The following EIF2B1 variants were observed in gnomAD, a reference collection of about 807,000 sequenced individuals.
EIF2B1 encodes eukaryotic translation initiation factor 2B subunit alpha, also known as translation initiation factor eIF2B subunit alpha.
A neutral mutation model predicts 36.8 loss-of-function variants in EIF2B1; 30 were observed. That is an observed-to-expected ratio of 0.81 (90% CI 0.61 to 1.10). EIF2B1 has a LOEUF of 1.10. EIF2B1 is among the 50% of genes least tolerant of loss of function. The probability of loss-of-function intolerance (pLI) is 0.00; values close to 1 mark genes in which losing one functional copy is unlikely to be tolerated. For synonymous variants in EIF2B1, 139 were observed against 142.2 expected (o/e 0.98, Z 0.16); for missense variants, 271 against 374.8 (o/e 0.72, Z 2.29).
At chr12:123,625,329 C>T (rs1347765219) in intron 6 of EIF2B1, among the ~76,000 whole-genome samples, 3 of 152,010 alleles carry the variant, frequency 2.0e-5, no homozygotes, top group African/African-American at 7.2e-5. Context: ...GATCTCAGCC[C>T]AAACCTCTAC....
chr12:123,628,082 G>A (rs1234521044), intron 4 of EIF2B1, among the ~76,000 whole-genome samples: 2 of 152,104 alleles, frequency 1.3e-5, no homozygotes, highest in Admixed American at 6.5e-5. Flanking sequence ...TTGAGCCAAG[G>A]TCTTGCTCTG....
intron 6 of EIF2B1, among the ~76,000 whole-genome samples, chr12:123,625,266 T>G (rs1955139949): frequency 6.6e-6 from 1 of 152,168 alleles, no homozygotes; most frequent in African/African-American, 2.4e-5. Context: ...ATCTTTCTTT[T>G]TTTTTTTGAG....
rs1260994815 is a variant in EIF2B1, at chr12:123,622,814, A to G, written c.628-53T>C. On this transcript the variant is annotated intron_variant, in intron 7 of 8. Transcript: ENST00000424014. Reference sequence around the variant, plus strand: ...AGCTCTAGAGTGCATCTGAAGTAGAAGCCACAGAAAAGCGGGCCGGGCACA... The same window carrying G: ...AGCTCTAGAGTGCATCTGAAGTAGAGGCCACAGAAAAGCGGGCCGGGCACA... 2.5e-6 allele frequency: 4 copies of G among 1,609,690 alleles called. No individual in the cohort carries two copies. In the East Asian group the frequency reaches 8.9e-5, roughly 36 times the overall value.
intron 7 of EIF2B1, among the ~76,000 whole-genome samples, chr12:123,623,323 T>C (rs1013523726): frequency 2.0e-5 from 3 of 151,620 alleles, no homozygotes; most frequent in Admixed American, 2.0e-4. Flanking sequence ...GCACTGGAGG[T>C]TGCAGTGAGC....
rs369487438 is a variant in EIF2B1 at position 123,633,583 on chromosome 12, G to A, written c.-26C>T. The A allele has an allele frequency of 1.9e-6, 3 of 1,608,038 alleles. No homozygotes were observed. Among genetic ancestry groups the A allele is most frequent in the Non-Finnish European group, 2.5e-6 (3 of 1,179,944 alleles). On this transcript the variant is annotated 5_prime_UTR_variant, in exon 1 of 9. Transcript: ENST00000424014. ...GGCGTCCTCCTGCTGCGGAGCCCCA[G>A]GGGACCCGAGCCGCCCGCGCTGTCT... is the stretch of plus-strand genomic sequence containing the variant.
intron 6 of EIF2B1, among the ~76,000 whole-genome samples, chr12:123,625,674 C>T (rs538210295): frequency 3.3e-5 from 5 of 152,340 alleles, no homozygotes. Flanking sequence ...AATACACTGA[C>T]AATCCCAGGA....
At chr12:123,632,807 G>T (rs544017185) in intron 1 of EIF2B1, among the ~76,000 whole-genome samples, 1 of 151,224 alleles carries the variant, frequency 6.6e-6, no homozygotes, top group African/African-American at 2.4e-5. Flanking sequence ...TTAGCCGGGC[G>T]TAGTGGCGGG....
rs1304949657 is a variant in EIF2B1 at position 123,620,618 on chromosome 12, A to G, written c.*1138T>C. The G allele has an allele frequency of 4.4e-5, 4 of 90,918 alleles. No homozygotes were observed. Among genetic ancestry groups the G allele is most frequent in the African/African-American group, 1.7e-4 (4 of 23,734 alleles). The allele number at this position is 90,918 out of a possible 1,614,324, so 5.6% of individuals were successfully genotyped here. ...TATATATATATATATATATATATAT[A>G]TATATATATAAGCTCTTTTTTCTGA... is the stretch of plus-strand genomic sequence containing the variant. On this transcript the variant is annotated 3_prime_UTR_variant, in exon 9 of 9. Coordinates refer to ENST00000424014, the MANE Select transcript of EIF2B1 (RefSeq NM_001414.4).
Position 123,630,056 on chromosome 12 carries a change from A to C in EIF2B1, c.369+113T>G. 8 of 880,890 alleles carry C rather than the reference A, an allele frequency of 9.1e-6. No homozygotes were observed. Among genetic ancestry groups the C allele is most frequent in the Non-Finnish European group, 1.5e-5 (8 of 522,120 alleles). 54.6% of individuals were successfully genotyped at this position (880,890 alleles called of 1,614,324 possible). On this transcript the variant is annotated intron_variant, in intron 4 of 8. Coordinates refer to ENST00000424014, the MANE Select transcript of EIF2B1 (RefSeq NM_001414.4). This position sits in a 1 kb window ranked among gnomAD's most constrained non-coding sequence, Gnocchi z 4.6. ...ATGAGAAAGCTGCACAGACAGGTTA[A>C]GTTACTTGTTCAAGTCTCCACAGCA...
chr12:123,630,847 G>T lies in EIF2B1; in HGVS notation c.116-314C>A, dbSNP rs1300843575. On this transcript the variant is annotated intron_variant, in intron 2 of 8. Coordinates refer to ENST00000424014, the MANE Select transcript of EIF2B1 (RefSeq NM_001414.4). This position sits in a 1 kb window ranked among gnomAD's most constrained non-coding sequence, Gnocchi z 4.6. ...GCATGGAAAGACATTAAGTAGCAGC[G>T]GCAGATGAGGTCTGCAAGGTGGTAT... Among the ~76,000 whole-genome samples, 1 of 152,108 alleles carries T rather than the reference G, an allele frequency of 6.6e-6. No individual in the cohort carries two copies. Among genetic ancestry groups the T allele is most frequent in the East Asian group, 1.9e-4 (1 of 5,190 alleles).
Position 123,621,722 on chromosome 12 carries a change from G to A in EIF2B1, c.*34C>T, listed in dbSNP as rs773773840. 22 of 1,612,552 alleles carry A rather than the reference G, an allele frequency of 1.4e-5. No homozygotes were observed. The highest frequency in any genetic ancestry group is 1.2e-4 in the South Asian group (11 of 90,988). On this transcript the variant is annotated 3_prime_UTR_variant, in exon 9 of 9. Transcript: ENST00000424014. ...CAGCTACTCACCCTGCCTCAACTAC[G>A]TAAGCTGCACCTTGGCAGGAAAGGG...
At chr12:123,632,076 C>G (rs1040743976) in intron 2 of EIF2B1, among the ~76,000 whole-genome samples, 4 of 151,716 alleles carry the variant, frequency 2.6e-5, no homozygotes, top group African/African-American at 9.7e-5. Context: ...TCGAGACCAG[C>G]CTGGGTAACA....
intron 6 of EIF2B1, 39 bp from the exon 7 acceptor site, chr12:123,624,901 G>A (rs1285815798): frequency 9.0e-6 from 14 of 1,555,646 alleles, no homozygotes; most frequent in Non-Finnish European, 1.2e-5. Flanking sequence ...TATTTTCTTG[G>A]CTCTAACGAG....
At chr12:123,621,967 T>C (rs1052424929) in intron 8 of EIF2B1, 47 bp from the exon 9 acceptor site, 1 of 1,607,492 alleles carries the variant, frequency 6.2e-7, no homozygotes, top group Non-Finnish European at 8.5e-7. Context: ...TTTAGTGCTC[T>C]GACCTGGTAG....
rs779582708 is a variant in EIF2B1, at chr12:123,626,753, G to A, written c.483-260C>T. The A allele has an allele frequency of 3.9e-5, 25 of 646,062 alleles. 1 individual carries two copies. Among genetic ancestry groups the A allele is most frequent in the Admixed American group, 2.2e-4 (9 of 41,652 alleles). The allele number at this position is 646,062 out of a possible 1,614,324, so 40.0% of individuals were successfully genotyped here. A position where few individuals can be genotyped will look rare whatever the true frequency, so the allele number is the denominator to read the frequency against. ...AGGAGGAAGTTTTGCTTTGATTATC[G>A]TCTAGAGAGAGGGAGATATAAGTTA... On this transcript the variant is annotated intron_variant, in intron 5 of 8. Coordinates refer to ENST00000424014, the MANE Select transcript of EIF2B1 (RefSeq NM_001414.4).
At chr12:123,628,988 G>A (rs1593781624) in intron 4 of EIF2B1, among the ~76,000 whole-genome samples, 1 of 151,648 alleles carries the variant, frequency 6.6e-6, no homozygotes, top group East Asian at 1.9e-4. Flanking sequence ...GTCTGTGGAA[G>A]GAGAAGGCCC....
chr12:123,623,246 TGG>T (rs1955121611), intron 7 of EIF2B1, among the ~76,000 whole-genome samples: 1 of 151,656 alleles, frequency 6.6e-6, no homozygotes, highest in South Asian at 2.1e-4. Flanking sequence ...CTGGGCATGG[TGG>T]GATGGGGGGT....
chr12:123,626,664 A>C (rs1955151122), intron 5 of EIF2B1, 171 bp from the exon 6 acceptor site: 2 of 777,902 alleles, frequency 2.6e-6, no homozygotes, highest in Non-Finnish European at 4.3e-6. Context: ...AGTTCTTTAG[A>C]AAGAAGTATT....
intron 4 of EIF2B1, among the ~76,000 whole-genome samples, chr12:123,628,308 G>A (rs1461304744): frequency 6.6e-6 from 1 of 150,660 alleles, no homozygotes; most frequent in Non-Finnish European, 1.5e-5. Flanking sequence ...GGAACCTCCG[G>A]CTAGGATTAT....
Sources: gnomAD v4.1 joint callset for allele counts (sites outside exome capture counted in the v4.1 genomes callset) on GRCh38, gnomAD v4.1.1 for gene constraint, Gnocchi (gnomAD v3.1) non-coding constraint, MANE v1.5 for transcripts, NCBI Gene and HGNC (gene_info 2026-07-23, HGNC 2026-07-21) for gene names.